The following PARD6G variants were observed in gnomAD, a reference collection of about 807,000 sequenced individuals.
PARD6G encodes the protein par-6 family cell polarity regulator gamma, also known as partitioning defective 6 homolog gamma.
Under a neutral mutation model 10.7 loss-of-function variants are expected in PARD6G, and 7 were observed. That is an observed-to-expected ratio of 0.66 (90% CI 0.37 to 1.23). The LOEUF is 1.23. PARD6G is among the 50% of genes most tolerant of loss of function. PARD6G has a pLI of 0.02. For synonymous variants in PARD6G, 287 were observed against 269.4 expected, an observed-to-expected ratio of 1.07 and a Z score of -0.64; for missense variants, 548 against 571.8, an observed-to-expected ratio of 0.96 and a Z score of 0.42.
chr18:80,220,228 G>C (rs8095584), intron 1 of PARD6G, among the ~76,000 whole-genome samples: 28,526 of 152,018 alleles, frequency 0.19, 3,449 homozygotes, highest in African/African-American at 0.34. Context: ...CCATCAGCTC[G>C]TGTGAGAACT....
intron 2 of PARD6G, among the ~76,000 whole-genome samples, chr18:80,177,227 CA>C (rs2052816720): frequency 6.8e-6 from 1 of 147,548 alleles, no homozygotes; most frequent in African/African-American, 2.5e-5. Context: ...CGCACACACA[CA>C]CACACACACA....
intron 1 of PARD6G, among the ~76,000 whole-genome samples, chr18:80,241,989 C>T (rs1967494930): frequency 6.6e-6 from 1 of 152,238 alleles, no homozygotes; most frequent in South Asian, 2.1e-4. Flanking sequence ...TATTCCTTCA[C>T]TTCCCTAAAA....
rs1821889613 is a variant in PARD6G, at chr18:80,159,249, A to G, written c.*522T>C. On this transcript the variant is annotated 3_prime_UTR_variant, in exon 3 of 3. Coordinates refer to ENST00000353265, the MANE Select transcript of PARD6G (RefSeq NM_032510.4). ...GTGATCAGCCCACGTAGGCCTCCCA[A>G]AGTGCTGGGATTACAGACGTGAGCC... 1 of 152,394 alleles carries G rather than the reference A, an allele frequency of 6.6e-6. No homozygotes were observed. The highest frequency in any genetic ancestry group is 3.4e-3 in the Middle Eastern group (1 of 292). The allele number at this position is 152,394 out of a possible 1,614,324, so 9.4% of individuals were successfully genotyped here.
Position 80,160,179 on chromosome 18 carries a change from G to T in PARD6G, c.723C>A (p.His241Gln), listed in dbSNP as rs780312937. ...QVTDMMIANS[H>Q]NLIVTVKPAN... ...CGGGCTTGACGGTGACGATGAGGTT[G>T]TGGCTGTTGGCGATCATCATGTCCG... Residue 241 changes from histidine to glutamine, a missense_variant, in exon 3 of 3, where the codon CAC becomes CAA. Physicochemically the swap from His to Gln is conservative, Grantham distance 24. Transcript: ENST00000353265. The T allele has an allele frequency of 6.2e-7, 1 of 1,613,350 alleles. No homozygotes were observed. The highest frequency in any genetic ancestry group is 1.1e-5 in the South Asian group (1 of 91,090).
chr18:80,237,495 G>A (rs1201157000), intron 1 of PARD6G, among the ~76,000 whole-genome samples: 2 of 152,090 alleles, frequency 1.3e-5, no homozygotes, highest in South Asian at 2.1e-4. Context: ...GCCAAAATTC[G>A]CAAATGGGAT....
intron 2 of PARD6G, 44 bp from the exon 3 acceptor site, chr18:80,160,650 C>G: frequency 7.0e-7 from 1 of 1,428,470 alleles, no homozygotes. Flanking sequence ...AACCGAGCCC[C>G]GCCTGAGCCC....
At chr18:80,208,249 T>TA (rs535994729) in intron 1 of PARD6G, among the ~76,000 whole-genome samples, 5 of 152,198 alleles carry the variant, frequency 3.3e-5, no homozygotes, top group African/African-American at 9.6e-5. Flanking sequence ...TTATATTTAC[T>TA]AAAAAAAATT....
intron 1 of PARD6G, among the ~76,000 whole-genome samples, chr18:80,209,958 T>C (rs1327132838): frequency 6.6e-6 from 1 of 152,212 alleles, no homozygotes; most frequent in African/African-American, 2.4e-5. Context: ...CTATTAATCA[T>C]ATCTATCTAT....
intron 2 of PARD6G, among the ~76,000 whole-genome samples, chr18:80,163,532 A>AC (rs1422624436): frequency 6.6e-6 from 1 of 152,026 alleles, no homozygotes; most frequent in Non-Finnish European, 1.5e-5. Flanking sequence ...CGGGAGCCCC[A>AC]CCCCTGTTCC....
At chr18:80,232,967 C>T (rs940605225) in intron 1 of PARD6G, among the ~76,000 whole-genome samples, 2 of 152,152 alleles carry the variant, frequency 1.3e-5, no homozygotes, top group Non-Finnish European at 1.5e-5. Context: ...GGACAGACCT[C>T]CTTGCACACA....
intron 2 of PARD6G, among the ~76,000 whole-genome samples, chr18:80,174,593 C>T (rs933767009): frequency 2.0e-5 from 3 of 152,160 alleles, no homozygotes; most frequent in South Asian, 2.1e-4. Context: ...CCAGGAGCTC[C>T]GACTCCAGCA....
chr18:80,243,554 T>C (rs1324586011), intron 1 of PARD6G, among the ~76,000 whole-genome samples: 2 of 152,134 alleles, frequency 1.3e-5, no homozygotes, highest in African/African-American at 4.8e-5. Flanking sequence ...AAAAGCCCCA[T>C]CATTATTTAA....
rs1599838674 is a variant in PARD6G at position 80,159,524 on chromosome 18, T to C, written c.*247A>G. 1 of 457,784 alleles carries C rather than the reference T, an allele frequency of 2.2e-6. No homozygotes were observed. The highest frequency in any genetic ancestry group is 3.5e-6 in the Non-Finnish European group (1 of 286,376). 28.4% of individuals were successfully genotyped at this position (457,784 alleles called of 1,614,324 possible). A position where few individuals can be genotyped will look rare whatever the true frequency, so the allele number is the denominator to read the frequency against. The stretch of plus-strand genomic sequence containing the variant: ...CTTGGTCAGATCTTTTCTATCACTT[T>C]GCAAAGGCGCCAAGACCTGCACTCA... On this transcript the variant is annotated 3_prime_UTR_variant, in exon 3 of 3. Coordinates refer to ENST00000353265, the MANE Select transcript of PARD6G (RefSeq NM_032510.4).
intron 1 of PARD6G, among the ~76,000 whole-genome samples, chr18:80,218,065 G>A (rs1256712128): frequency 6.6e-6 from 1 of 151,992 alleles, no homozygotes; most frequent in Admixed American, 6.6e-5. Context: ...GGGATTATAG[G>A]AACTACAATT....
chr18:80,163,770 A>G (rs1011902843), intron 2 of PARD6G, among the ~76,000 whole-genome samples: 4 of 152,198 alleles, frequency 2.6e-5, no homozygotes, highest in Non-Finnish European at 5.9e-5. Flanking sequence ...GGTTCCCTGC[A>G]CCAATAAAAG....
At position 80,193,738 on chromosome 18, in the gene PARD6G, G is replaced by C. The variant is rs183707410; in HGVS notation, c.295+8972C>G. 2.0e-5 allele frequency among the ~76,000 whole-genome samples: 3 copies of C among 152,324 alleles called. No homozygotes were observed. In the East Asian group the frequency reaches 5.8e-4, roughly 29 times the overall value. On this transcript the variant is annotated intron_variant, in intron 2 of 2. Transcript: ENST00000353265. ...GACACTTTGCTCCACCCAGCATGTGGCTCCGAGTGGAACTGCTGAGGAGTG... is the reference window on the plus strand; with the variant it reads ...GACACTTTGCTCCACCCAGCATGTGCCTCCGAGTGGAACTGCTGAGGAGTG...
At chr18:80,207,061 G>C (rs1349979487) in intron 1 of PARD6G, among the ~76,000 whole-genome samples, 2 of 139,388 alleles carry the variant, frequency 1.4e-5, no homozygotes, top group African/African-American at 2.5e-5. Context: ...TGGATGGCTA[G>C]TGATTATCAA....
Position 80,197,379 on chromosome 18 carries a change from A to T in PARD6G, c.295+5331T>A, listed in dbSNP as rs1966967332. The T allele has an allele frequency of 2.0e-5, 3 of 152,236 alleles. No homozygotes were observed. In the South Asian group the frequency reaches 6.2e-4, roughly 31 times the overall value. The allele number at this position is 152,236 out of a possible 1,614,324, so 9.4% of individuals were successfully genotyped here. A position where few individuals can be genotyped will look rare whatever the true frequency, so the allele number is the denominator to read the frequency against. On this transcript the variant is annotated intron_variant, in intron 2 of 2. Transcript: ENST00000353265. ...TAGTAACTCACTTAAGTGAAATCAG[A>T]GCAAAATACACCCCATCGGGCAAAT...
At chr18:80,165,514 T>C (rs1246419540) in intron 2 of PARD6G, among the ~76,000 whole-genome samples, 1 of 151,956 alleles carries the variant, frequency 6.6e-6, no homozygotes, top group East Asian at 1.9e-4. Context: ...ACAGTGGTCC[T>C]GAGGTGACGT....
Sources: allele counts gnomAD v4.1 joint callset (sites outside exome capture counted in the v4.1 genomes callset), GRCh38; gene constraint gnomAD v4.1.1; transcripts MANE v1.5; gene names NCBI Gene and HGNC (gene_info 2026-07-23, HGNC 2026-07-21).